NSRP1: variants seen among roughly 807,000 people sequenced by gnomAD.
NSRP1 encodes coiled-coil domain containing 55.
Under a neutral mutation model 54.7 loss-of-function variants are expected in NSRP1, and 24 were observed. That is an observed-to-expected ratio of 0.44 (90% CI 0.32 to 0.62). The LOEUF (loss-of-function observed/expected upper bound fraction) is 0.62. Among genes scored for constraint, NSRP1 ranks in the 20% least tolerant of loss-of-function variants. The pLI is 0.06. For missense variants in NSRP1, 596 were observed against 651.2 expected, an observed-to-expected ratio of 0.92 and a Z score of 0.92; for synonymous variants, 210 against 213.8, an observed-to-expected ratio of 0.98 and a Z score of 0.15.
At chr17:30,121,674 A>G (rs2071598916) in intron 2 of NSRP1, among the ~76,000 whole-genome samples, 2 of 147,346 alleles carry the variant, frequency 1.4e-5, no homozygotes, top group Admixed American at 6.6e-5. Context: ...GGTTCAAGCA[A>G]TTCTCCTGCC....
At chr17:30,131,452 GT>G (rs2071698957) in intron 2 of NSRP1, among the ~76,000 whole-genome samples, 1 of 152,114 alleles carries the variant, frequency 6.6e-6, no homozygotes, top group Non-Finnish European at 1.5e-5. Flanking sequence ...AAATATCTCA[GT>G]AAAGCAAGTC....
intron 2 of NSRP1, among the ~76,000 whole-genome samples, chr17:30,145,220 C>G (rs920452554): frequency 6.6e-6 from 1 of 152,200 alleles, no homozygotes; most frequent in African/African-American, 2.4e-5. Context: ...AGTAGAAACC[C>G]TTGTGAAAGT....
intron 2 of NSRP1, among the ~76,000 whole-genome samples, chr17:30,143,477 A>ATAT (rs2071824668): frequency 6.6e-6 from 1 of 152,136 alleles, no homozygotes; most frequent in Non-Finnish European, 1.5e-5. Flanking sequence ...TTGTGGTTAT[A>ATAT]TATTAGGTGC....
At chr17:30,136,974 AAAAT>A (rs2071756399) in intron 2 of NSRP1, among the ~76,000 whole-genome samples, 1 of 152,198 alleles carries the variant, frequency 6.6e-6, no homozygotes, top group Non-Finnish European at 1.5e-5. Context: ...ATAATAGGTT[AAAAT>A]TCTCTGGATT....
At chr17:30,148,896 T>G (rs1180719541) in intron 2 of NSRP1, among the ~76,000 whole-genome samples, 1 of 152,246 alleles carries the variant, frequency 6.6e-6, no homozygotes, top group Non-Finnish European at 1.5e-5. Context: ...TTTGTCTATC[T>G]TATAAAATCT....
At chr17:30,156,912 T>C (rs887270266) in intron 2 of NSRP1, among the ~76,000 whole-genome samples, 3 of 152,212 alleles carry the variant, frequency 2.0e-5, no homozygotes, top group African/African-American at 7.2e-5. Context: ...CTTAGGTTGA[T>C]TCCATATTTT....
At chr17:30,116,999 TC>T (rs1418365290) in intron 1 of NSRP1, 136 bp downstream of exon 1, 3 of 1,140,206 alleles carry the variant, frequency 2.6e-6, no homozygotes, top group Admixed American at 4.0e-5. Flanking sequence ...AAACGAGAAG[TC>T]CTGAGGAACA....
chr17:30,140,096 C>A (rs748888111), intron 2 of NSRP1, among the ~76,000 whole-genome samples: 1 of 152,198 alleles, frequency 6.6e-6, no homozygotes, highest in Non-Finnish European at 1.5e-5. Flanking sequence ...AGGCTGCTTA[C>A]ATGTAATATT....
At chr17:30,182,161 G>T (rs897293423) in intron 6 of NSRP1, among the ~76,000 whole-genome samples, 3 of 150,348 alleles carry the variant, frequency 2.0e-5, no homozygotes, top group Non-Finnish European at 3.0e-5. Flanking sequence ...TAAGGAGAAA[G>T]TTGGAAAGAA....
intron 2 of NSRP1, among the ~76,000 whole-genome samples, chr17:30,161,004 G>A (rs1006127509): frequency 1.7e-4 from 26 of 152,108 alleles, no homozygotes; most frequent in Admixed American, 1.0e-3. Flanking sequence ...GACCATAAAC[G>A]GGTGAATGGA....
chr17:30,142,876 T>C (rs1290587986), intron 2 of NSRP1, among the ~76,000 whole-genome samples: 1 of 152,218 alleles, frequency 6.6e-6, no homozygotes, highest in Non-Finnish European at 1.5e-5. Context: ...CGTACCATTA[T>C]ATTAGAAAAA....
At chr17:30,147,460 G>C (rs1567796483) in intron 2 of NSRP1, among the ~76,000 whole-genome samples, 1 of 149,938 alleles carries the variant, frequency 6.7e-6, no homozygotes, top group African/African-American at 2.5e-5. Context: ...GGTTGGTTTT[G>C]TTTGTTTTGT....
chr17:30,116,883 G>A lies in NSRP1; in HGVS notation c.20+20G>A. The A allele has an allele frequency of 6.4e-7, 1 of 1,567,576 alleles. No homozygotes were observed. Among genetic ancestry groups the A allele is most frequent in the South Asian group, 1.2e-5 (1 of 85,272 alleles). On this transcript the variant is annotated intron_variant, in intron 1 of 6. Transcript: ENST00000247026. ...CAGGCAGTGAGTGATCCGGGAGTTA[G>A]GGTCAGGCTGGGGGATGAGAAACTA...
intron 2 of NSRP1, among the ~76,000 whole-genome samples, chr17:30,147,355 C>G (rs2071865655): frequency 6.6e-6 from 1 of 151,776 alleles, no homozygotes; most frequent in African/African-American, 2.4e-5. Flanking sequence ...GTCTTGAACT[C>G]CTGACCTCAG....
chr17:30,185,589 C>A lies in NSRP1; in HGVS notation c.1592C>A (p.Thr531Asn). Reference sequence around the variant, plus strand: ...TTTGCAAAGCGGAACAATGAAGAAACTGTAATGTCAGCTAGAGACAGGTAC... The same window carrying A: ...TTTGCAAAGCGGAACAATGAAGAAAATGTAATGTCAGCTAGAGACAGGTAC... The part of the protein sequence containing the change: ...SKFAKRNNEE[T>N]VMSARDRYLA... Residue 531 changes from threonine to asparagine, a missense_variant, in exon 7 of 7, where the codon ACT (threonine) becomes AAT (asparagine). Thr to Asn is a moderately conservative substitution (Grantham distance 65). Coordinates refer to ENST00000247026, the MANE Select transcript of NSRP1 (RefSeq NM_032141.4). The A allele has an allele frequency of 6.2e-7, 1 of 1,614,094 alleles. No homozygotes were observed. The highest frequency in any genetic ancestry group is 2.2e-5 in the East Asian group (1 of 44,878).
chr17:30,147,916 A>T (rs56357032), intron 2 of NSRP1, among the ~76,000 whole-genome samples: 13,360 of 151,816 alleles, frequency 0.088, 809 homozygotes, highest in South Asian at 0.15. Context: ...GGTTCAAGCA[A>T]TTCTCCTGTC....
chr17:30,164,240 A>G (rs746651288), intron 2 of NSRP1, among the ~76,000 whole-genome samples: 24 of 152,166 alleles, frequency 1.6e-4, no homozygotes, highest in Non-Finnish European at 2.8e-4. Context: ...TGCTGTACAC[A>G]TATTAGGCTG....
chr17:30,132,089 A>C (rs2071705129), intron 2 of NSRP1, among the ~76,000 whole-genome samples: 2 of 151,626 alleles, frequency 1.3e-5, no homozygotes, highest in African/African-American at 4.8e-5. Flanking sequence ...TCTACTAAAA[A>C]TACAAAAAAT....
intron 2 of NSRP1, among the ~76,000 whole-genome samples, chr17:30,171,966 ACACACACTCCCT>A (rs1904951727): frequency 7.7e-6 from 1 of 129,152 alleles, no homozygotes; most frequent in African/African-American, 2.9e-5. Flanking sequence ...ACACACACAC[ACACACACTCCCT>A]CTCTCTCTCT....
Sources: gnomAD v4.1 joint callset for allele counts (sites outside exome capture counted in the v4.1 genomes callset) on GRCh38, gnomAD v4.1.1 for gene constraint, MANE v1.5 for transcripts, NCBI Gene and HGNC (gene_info 2026-07-23, HGNC 2026-07-21) for gene names.